Variants in CLIC5 observed in about 807,000 individuals in gnomAD.
The protein encoded by CLIC5 is chloride intracellular channel protein 5.
CLIC5 carries 20 observed loss-of-function variants against 24.7 expected under a neutral mutation model. That is an observed-to-expected ratio of 0.81 (90% CI 0.57 to 1.18). CLIC5 has a LOEUF of 1.18. Among genes scored for constraint, CLIC5 ranks in the 50% most tolerant of loss-of-function variants. CLIC5 has a pLI of 0.00. For synonymous variants in CLIC5, 159 were observed against 135.6 expected (o/e 1.17, Z -1.20); for missense variants, 341 against 326.1 (o/e 1.05, Z -0.35).
chr6:45,982,605 G>T (rs761244303), intron 1 of CLIC5, among the ~76,000 whole-genome samples: 1 of 152,126 alleles, frequency 6.6e-6, no homozygotes, highest in Non-Finnish European at 1.5e-5. Flanking sequence ...GTAAGTGTTT[G>T]TGTATCAAAA....
At chr6:46,053,379 T>C (rs1768158140) in intron 1 of CLIC5, among the ~76,000 whole-genome samples, 1 of 152,018 alleles carries the variant, frequency 6.6e-6, no homozygotes, top group Admixed American at 6.5e-5. Flanking sequence ...TATTAGATGG[T>C]GAGGAGGATG....
chr6:45,914,285 A>T lies in CLIC5; in HGVS notation c.531T>A (p.Asp177Glu). Residue 177 changes from aspartate to glutamate, a missense_variant, in exon 5 of 6, where the codon GAT (aspartate) becomes GAA (glutamate). Coordinates refer to ENST00000339561, the MANE Select transcript of CLIC5 (RefSeq NM_016929.5). ...AGTCAGCCAGGGTCAGCTCATCCCC[A>T]TCCAGGAACTTGCGCCGGGACCCCT... ...EDKGSRRKFL[D>E]GDELTLADCN... 6.2e-7 allele frequency: 1 copy of T among 1,610,696 alleles called. No homozygotes were observed. The highest frequency in any genetic ancestry group is 1.7e-5 in the Admixed American group (1 of 59,906).
Position 45,929,527 on chromosome 6 carries a change from A to C in CLIC5, c.406+12020T>G, listed in dbSNP as rs572865366. On this transcript the variant is annotated intron_variant, in intron 4 of 5. Transcript: ENST00000339561. ...AATACCCCTAGTTGGCTATTTGCAC[A>C]CAGGGGTTGCCAAGGAAGGCAGCCT... 3.3e-5 allele frequency among the ~76,000 whole-genome samples: 5 copies of C among 152,366 alleles called. No homozygotes were observed. The East Asian group carries it at 7.7e-4, about 23-fold the overall frequency.
At chr6:45,888,111 C>G (rs1398655701) in intron 6 of CLIC5, among the ~76,000 whole-genome samples, 1 of 152,180 alleles carries the variant, frequency 6.6e-6, no homozygotes, top group African/African-American at 2.4e-5. Context: ...CAGAAGACGA[C>G]TGAAGTGAGA....
chr6:45,998,681 T>C (rs1226650042), intron 1 of CLIC5, among the ~76,000 whole-genome samples: 5 of 152,150 alleles, frequency 3.3e-5, no homozygotes, highest in Non-Finnish European at 5.9e-5. Flanking sequence ...CAGTGCTTCA[T>C]GGAATGGACA....
chr6:46,010,662 C>T (rs1232254449), intron 1 of CLIC5, among the ~76,000 whole-genome samples: 3 of 152,182 alleles, frequency 2.0e-5, no homozygotes, highest in African/African-American at 7.2e-5. Context: ...TGGCAGTGGA[C>T]GTCAGCTTCT....
chr6:45,907,961 T>C (rs1406814744), intron 5 of CLIC5, among the ~76,000 whole-genome samples: 2 of 152,110 alleles, frequency 1.3e-5, no homozygotes, highest in Non-Finnish European at 2.9e-5. Flanking sequence ...GAGCGGTGAG[T>C]GGGCATCCTT....
intron 1 of CLIC5, among the ~76,000 whole-genome samples, chr6:45,974,755 T>G (rs1305182023): frequency 6.6e-6 from 1 of 151,952 alleles, no homozygotes; most frequent in Middle Eastern, 3.2e-3. Context: ...ATTCAAAATA[T>G]TTTGGAATGT....
intron 1 of CLIC5, among the ~76,000 whole-genome samples, chr6:46,009,158 A>G (rs1485801657): frequency 6.6e-6 from 1 of 151,590 alleles, no homozygotes; most frequent in South Asian, 2.1e-4. Context: ...TGCTGCTGGC[A>G]TGGGAAGAGT....
intron 1 of CLIC5, among the ~76,000 whole-genome samples, chr6:45,967,112 G>A (rs1241910018): frequency 6.6e-6 from 1 of 152,218 alleles, no homozygotes; most frequent in Non-Finnish European, 1.5e-5. Context: ...AAAAAATGCA[G>A]GGTCCTCATA....
the CLIC5 span, among the ~76,000 whole-genome samples, chr6:46,114,266 C>T: frequency 6.6e-6 from 1 of 152,164 alleles, no homozygotes; most frequent in East Asian, 1.9e-4. Flanking sequence ...TTTCCCCCAC[C>T]TAGTTCCCAT....
the CLIC5 span, among the ~76,000 whole-genome samples, chr6:46,128,803 A>C: frequency 0.13 from 20,145 of 152,156 alleles, 1,777 homozygotes; most frequent in South Asian, 0.32. Flanking sequence ...CATGGATCTA[A>C]GATGCCCATA....
intron 1 of CLIC5, among the ~76,000 whole-genome samples, chr6:46,002,002 C>T (rs151024434): frequency 7.0e-4 from 106 of 152,188 alleles, no homozygotes; most frequent in African/African-American, 2.6e-3. Flanking sequence ...GGCTGGACCA[C>T]CCCCACCCCC....
intron 1 of CLIC5, among the ~76,000 whole-genome samples, chr6:45,968,020 C>T (rs1336885224): frequency 6.6e-6 from 1 of 152,158 alleles, no homozygotes; most frequent in Admixed American, 6.5e-5. Flanking sequence ...GCAGGGAATT[C>T]CAAGCAGATC....
chr6:46,059,460 G>A (rs542690981), intron 1 of CLIC5, among the ~76,000 whole-genome samples: 2 of 152,300 alleles, frequency 1.3e-5, no homozygotes, highest in South Asian at 4.1e-4. Flanking sequence ...AGGAAGTTTT[G>A]CCTCTTTCAT....
At chr6:46,093,195 ATATTT>A in the CLIC5 span, among the ~76,000 whole-genome samples, 2 of 152,060 alleles carry the variant, frequency 1.3e-5, no homozygotes, top group African/African-American at 4.8e-5. Context: ...GCATCACATT[ATATTT>A]ATTATAATAA....
intron 1 of CLIC5, among the ~76,000 whole-genome samples, chr6:46,048,830 G>T (rs1768028103): frequency 6.6e-6 from 1 of 152,168 alleles, no homozygotes; most frequent in South Asian, 2.1e-4. Context: ...TGTCAGTCAG[G>T]CACATGCAGT....
Position 45,928,422 on chromosome 6 carries a change from G to A in CLIC5, c.406+13125C>T, listed in dbSNP as rs74874908. ...TTATCCAGAGATATTCTCCCCTAAA[G>A]GTCAGCAGAAACTTGGAAAAAGTTT... is the stretch of plus-strand genomic sequence containing the variant. On this transcript the variant is annotated intron_variant, in intron 4 of 5. Transcript: ENST00000339561. Among the ~76,000 whole-genome samples the A allele has an allele frequency of 7.4e-3, 1,121 of 152,240 alleles. 11 individuals carry two copies. Among genetic ancestry groups the A allele is most frequent in the African/African-American group, 0.026 (1,074 of 41,558 alleles).
At chr6:45,965,793 C>T (rs924358920) in intron 1 of CLIC5, among the ~76,000 whole-genome samples, 1 of 152,144 alleles carries the variant, frequency 6.6e-6, no homozygotes, top group Non-Finnish European at 1.5e-5. Flanking sequence ...CCTCTCTTGA[C>T]ATTTTTCTTA....
Sources: gnomAD v4.1 joint callset for allele counts (sites outside exome capture counted in the v4.1 genomes callset) on GRCh38, gnomAD v4.1.1 for gene constraint, MANE v1.5 for transcripts, NCBI Gene and HGNC (gene_info 2026-07-23, HGNC 2026-07-21) for gene names.